Variants in ANK2 observed in about 807,000 individuals in gnomAD.
The protein encoded by ANK2 is ankyrin-2.
A neutral mutation model predicts 360.5 loss-of-function variants in ANK2; 83 were observed. That is an observed-to-expected ratio of 0.23 (90% CI 0.19 to 0.28). The LOEUF is 0.28. Among genes scored for constraint, ANK2 ranks in the 10% least tolerant of loss-of-function variants. The probability of loss-of-function intolerance (pLI) is 1.00; values close to 1 mark genes in which losing one functional copy is unlikely to be tolerated. For missense variants in ANK2, 4,201 were observed against 4,795.7 expected (o/e 0.88, Z 3.66); for synonymous variants, 1,740 against 1,759.5 (o/e 0.99, Z 0.28).
chr4:112,835,468 T>C (rs1219432068), intron 1 of ANK2, among the ~76,000 whole-genome samples: 1 of 152,164 alleles, frequency 6.6e-6, no homozygotes, highest in Admixed American at 6.5e-5. Context: ...AATTTTATAG[T>C]TATATTTTAA....
At chr4:113,049,952 T>A in intron 1 of ANK2, 140 bp downstream of exon 1, 1 of 1,118,858 alleles carries the variant, frequency 8.9e-7, no homozygotes, top group Non-Finnish European at 1.3e-6. Context: ...CCTTGCTTTT[T>A]AAAGAGGCAG....
chr4:112,831,213 G>C (rs192537415), intron 1 of ANK2, among the ~76,000 whole-genome samples: 1 of 152,376 alleles, frequency 6.6e-6, no homozygotes, highest in Non-Finnish European at 1.5e-5. Flanking sequence ...GGGACTGGCA[G>C]GCAGCTCTGC....
At chr4:113,245,807 AT>A (rs913920079) in intron 9 of ANK2, among the ~76,000 whole-genome samples, 65 of 147,034 alleles carry the variant, frequency 4.4e-4, no homozygotes, top group East Asian at 6.0e-4. Context: ...ACATATGAAA[AT>A]TTTTTTTTTT....
chr4:113,130,972 A>T (rs780933684), intron 1 of ANK2, among the ~76,000 whole-genome samples: 17 of 152,230 alleles, frequency 1.1e-4, no homozygotes, highest in Non-Finnish European at 1.9e-4. Flanking sequence ...TAAAGATGTT[A>T]TGAAGGATGA....
rs2285710 is a variant in ANK2, at chr4:113,196,316, C to T, written c.187-52C>T. ...TATATGCTTGAGTAGGATCAGGGCA[C>T]TATTTTCCTCATTACTTCACTTCTT... On this transcript the variant is annotated intron_variant, in intron 2 of 45. Transcript: ENST00000357077. 223,633 of 1,414,078 alleles carry T rather than the reference C, an allele frequency of 0.16. 18,238 individuals carry two copies. Among genetic ancestry groups the T allele is most frequent in the East Asian group, 0.27 (11,902 of 43,536 alleles). The allele number at this position is 1,414,078 out of a possible 1,614,324, so 87.6% of individuals were successfully genotyped here. A position where few individuals can be genotyped will look rare whatever the true frequency, so the allele number is the denominator to read the frequency against.
At chr4:113,367,528 T>TA in intron 41 of ANK2, 38 bp from the exon 42 acceptor site, 1 of 1,599,150 alleles carries the variant, frequency 6.3e-7, no homozygotes. Flanking sequence ...TCAATATAGG[T>TA]AAGCTTCAAC....
At chr4:113,250,755 GC>G (rs10659682) in intron 10 of ANK2, among the ~76,000 whole-genome samples, 2,275 of 60,362 alleles carry the variant, frequency 0.038, 241 homozygotes, top group East Asian at 0.11. Flanking sequence ...TCATACCACC[GC>G]CCCCCCCCCC....
intron 4 of ANK2, among the ~76,000 whole-genome samples, chr4:113,206,747 G>C (rs1342868235): frequency 1.3e-5 from 2 of 152,178 alleles, no homozygotes; most frequent in African/African-American, 4.8e-5. Context: ...GCCCAGGCTG[G>C]GTGCGGTGAC....
chr4:112,867,855 A>G (rs1316626154), intron 1 of ANK2, among the ~76,000 whole-genome samples: 6 of 152,196 alleles, frequency 3.9e-5, no homozygotes, highest in Non-Finnish European at 5.9e-5. Context: ...GAATGTTACT[A>G]TAAATATTTG....
chr4:113,235,201 T>C (rs1311727222), intron 5 of ANK2, among the ~76,000 whole-genome samples: 1 of 152,240 alleles, frequency 6.6e-6, no homozygotes, highest in African/African-American at 2.4e-5. Context: ...TTTAAATATG[T>C]ATGTGCTAAT....
rs566402057 is a variant in ANK2, at chr4:113,080,087, C to T, written c.84+30275C>T. Among the ~76,000 whole-genome samples the T allele has an allele frequency of 3.3e-5, 5 of 152,028 alleles. No homozygotes were observed. The South Asian group carries it at 8.3e-4, about 25-fold the overall frequency. On this transcript the variant is annotated intron_variant, in intron 1 of 45. Transcript: ENST00000357077. ...CTAATTTTTGTATTTTTGGTAGAGA[C>T]GGGGTTTCGCCATGTTGACTGGGCT...
chr4:112,956,089 C>T (rs2095317715), intron 2 of ANK2, among the ~76,000 whole-genome samples: 1 of 152,180 alleles, frequency 6.6e-6, no homozygotes, highest in African/African-American at 2.4e-5. Context: ...ATGCCTGAAA[C>T]CTCAGATAGT....
At chr4:113,152,079 G>GAAAAAAAAAAA (rs1554193694) in intron 1 of ANK2, among the ~76,000 whole-genome samples, 47 of 25,372 alleles carry the variant, frequency 1.9e-3, no homozygotes, top group East Asian at 2.5e-3. Context: ...AAAAAAAAAA[G>GAAAAAAAAAAA]AAAAAAAAAA....
intron 13 of ANK2, among the ~76,000 whole-genome samples, chr4:113,261,141 C>T (rs2052653743): frequency 6.6e-6 from 1 of 152,114 alleles, no homozygotes; most frequent in Admixed American, 6.5e-5. Flanking sequence ...CCTGAAAATT[C>T]ACTCCAAGTG....
At chr4:112,857,289 T>C (rs1490709707) in intron 1 of ANK2, among the ~76,000 whole-genome samples, 4 of 152,224 alleles carry the variant, frequency 2.6e-5, no homozygotes, top group Non-Finnish European at 5.9e-5. Flanking sequence ...CTAAGAAGGC[T>C]GAAATGGAGA....
intron 4 of ANK2, among the ~76,000 whole-genome samples, chr4:113,212,138 C>T (rs1477443020): frequency 1.3e-5 from 2 of 152,110 alleles, no homozygotes; most frequent in African/African-American, 2.4e-5. Flanking sequence ...AGGTAACTGC[C>T]TATGTACCAA....
chr4:112,720,351 A>T, the ANK2 span, among the ~76,000 whole-genome samples: 1 of 152,124 alleles, frequency 6.6e-6, no homozygotes, highest in Non-Finnish European at 1.5e-5. Flanking sequence ...TAAAAGTCTC[A>T]CTATTTGGTG....
intron 1 of ANK2, among the ~76,000 whole-genome samples, chr4:112,886,042 G>A (rs2078270413): frequency 6.6e-6 from 1 of 152,116 alleles, no homozygotes; most frequent in African/African-American, 2.4e-5. Flanking sequence ...AGGGATTAGA[G>A]TTTGAGTATG....
At chr4:112,892,009 C>CA (rs2080167214) in intron 1 of ANK2, among the ~76,000 whole-genome samples, 2 of 149,622 alleles carry the variant, frequency 1.3e-5, no homozygotes. Flanking sequence ...ATTTGTATTT[C>CA]AAAAAAGACA....
Sources: gnomAD v4.1 joint callset for allele counts (sites outside exome capture counted in the v4.1 genomes callset) on GRCh38, gnomAD v4.1.1 for gene constraint, MANE v1.5 for transcripts, NCBI Gene and HGNC (gene_info 2026-07-23, HGNC 2026-07-21) for gene names.